NBEA: variants seen among roughly 807,000 people sequenced by gnomAD.
NBEA encodes lysosomal-trafficking regulator 2.
NBEA carries 44 observed loss-of-function variants against 343.4 expected under a neutral mutation model. That is an observed-to-expected ratio of 0.13 (90% CI 0.10 to 0.16). NBEA has a LOEUF of 0.16. Ranked by LOEUF, NBEA falls within the 10% of genes least tolerant of loss-of-function variation. The probability of loss-of-function intolerance (pLI) is 1.00; values close to 1 mark genes in which losing one functional copy is unlikely to be tolerated. For synonymous variants in NBEA, 1,175 were observed against 1,238.7 expected, an observed-to-expected ratio of 0.95 and a Z score of 1.08; for missense variants, 2,555 against 3,631.3, an observed-to-expected ratio of 0.70 and a Z score of 7.62.
intron 35 of NBEA, among the ~76,000 whole-genome samples, chr13:35,291,625 C>G (rs1161351223): frequency 6.6e-6 from 1 of 151,890 alleles, no homozygotes; most frequent in East Asian, 1.9e-4. Context: ...ATGCACAGTT[C>G]TGTAAAATGC....
chr13:35,570,953 T>C (rs2080379255), intron 45 of NBEA, among the ~76,000 whole-genome samples: 1 of 152,088 alleles, frequency 6.6e-6, no homozygotes. Context: ...ATACCGCAAA[T>C]GAAAATTTTA....
intron 41 of NBEA, among the ~76,000 whole-genome samples, chr13:35,539,611 G>T (rs926644273): frequency 6.6e-6 from 1 of 151,852 alleles, no homozygotes; most frequent in Non-Finnish European, 1.5e-5. Context: ...AGCTATAATG[G>T]ATTAAAATTA....
intron 45 of NBEA, among the ~76,000 whole-genome samples, chr13:35,579,974 G>A (rs142996281): frequency 9.2e-5 from 14 of 152,100 alleles, no homozygotes; most frequent in East Asian, 1.9e-4. Flanking sequence ...GTAATTTCCC[G>A]TAGATTTTAT....
intron 1 of NBEA, among the ~76,000 whole-genome samples, chr13:34,948,895 T>G (rs144976658): frequency 0.01 from 1,537 of 152,270 alleles, 9 homozygotes; most frequent in Middle Eastern, 0.027. Flanking sequence ...AAAGAAAATG[T>G]AGCCTTTCCA....
intron 47 of NBEA, among the ~76,000 whole-genome samples, chr13:35,595,342 T>C (rs1370515635): frequency 6.6e-6 from 1 of 151,252 alleles, no homozygotes; most frequent in Admixed American, 6.6e-5. Flanking sequence ...AACATGCAGC[T>C]TTTTTTTTCC....
intron 41 of NBEA, among the ~76,000 whole-genome samples, chr13:35,535,019 C>G (rs2078464801): frequency 6.6e-6 from 1 of 152,132 alleles, no homozygotes; most frequent in African/African-American, 2.4e-5. Context: ...TCCAGAAATG[C>G]AGAAGAAACT....
chr13:34,981,555 A>G (rs1382628885), intron 1 of NBEA, among the ~76,000 whole-genome samples: 1 of 152,136 alleles, frequency 6.6e-6, no homozygotes, highest in Non-Finnish European at 1.5e-5. Context: ...TGTATTTTCC[A>G]TCTTGCGTAT....
chr13:35,306,007 C>T (rs778756563), intron 35 of NBEA, among the ~76,000 whole-genome samples: 17 of 152,160 alleles, frequency 1.1e-4, no homozygotes, highest in Non-Finnish European at 1.9e-4. Context: ...CTTAAAGTTA[C>T]TTTAAATTCG....
intron 36 of NBEA, among the ~76,000 whole-genome samples, chr13:35,345,535 G>T (rs1179746478): frequency 1.5e-4 from 23 of 152,016 alleles, no homozygotes; most frequent in Admixed American, 1.5e-3. Context: ...CTGTGAAAAA[G>T]AAATATAGAT....
At chr13:35,565,624 T>C (rs1388324878) in intron 44 of NBEA, among the ~76,000 whole-genome samples, 1 of 152,198 alleles carries the variant, frequency 6.6e-6, no homozygotes, top group Admixed American at 6.5e-5. Context: ...TAACGCATTT[T>C]TATAAAAAAT....
At chr13:35,667,737 T>A (rs922515039) in intron 57 of NBEA, among the ~76,000 whole-genome samples, 167 bp downstream of exon 57, 14 of 152,218 alleles carry the variant, frequency 9.2e-5, no homozygotes, top group African/African-American at 3.1e-4. Flanking sequence ...AAACCCAAAG[T>A]TCATTTAATT....
chr13:35,332,075 C>G (rs922834659), intron 36 of NBEA, among the ~76,000 whole-genome samples: 1 of 151,980 alleles, frequency 6.6e-6, no homozygotes, highest in African/African-American at 2.4e-5. Context: ...AGTCATTTAT[C>G]CATTTAGCTG....
chr13:35,232,543 T>C lies in NBEA; in HGVS notation c.5700T>C (p.Arg1900=). ...TAGAAAAAGTTGCTCCTCTTCTTCG[T>C]GAAATTTTTGTAGACTTTGCCCCAT... is the stretch of plus-strand genomic sequence containing the variant. ...RALEKVAPLL[R]EIFVDFAPFL... is the part of the protein sequence containing the mutation. The change falls in exon 34 of 59, where the codon CGT becomes CGC. Residue 1900 remains arginine, a synonymous_variant. Transcript: ENST00000379939. 3 of 1,552,278 alleles carry C rather than the reference T, an allele frequency of 1.9e-6. No individual in the cohort carries two copies. Among genetic ancestry groups the C allele is most frequent in the Non-Finnish European group, 2.6e-6 (3 of 1,146,702 alleles).
chr13:34,944,875 G>A (rs1490222531), intron 1 of NBEA, among the ~76,000 whole-genome samples: 1 of 152,114 alleles, frequency 6.6e-6, no homozygotes, highest in Non-Finnish European at 1.5e-5. Context: ...TCACAACCTG[G>A]AAACTGATTT....
chr13:35,606,063 A>AT (rs2082269892), intron 47 of NBEA, among the ~76,000 whole-genome samples: 1 of 152,128 alleles, frequency 6.6e-6, no homozygotes, highest in Non-Finnish European at 1.5e-5. Flanking sequence ...TCAGATGAAG[A>AT]TTTTACACAA....
At chr13:34,981,326 C>T (rs1052042187) in intron 1 of NBEA, among the ~76,000 whole-genome samples, 9 of 152,192 alleles carry the variant, frequency 5.9e-5, no homozygotes, top group Non-Finnish European at 1.3e-4. Flanking sequence ...TAATTTTTGG[C>T]TTTTATGAAT....
intron 38 of NBEA, among the ~76,000 whole-genome samples, chr13:35,387,170 A>T (rs2042280347): frequency 6.6e-6 from 1 of 152,164 alleles, no homozygotes; most frequent in Non-Finnish European, 1.5e-5. Flanking sequence ...CTGTGTGTAT[A>T]ATCATATATA....
chr13:35,056,454 A>G (rs1353157272), intron 7 of NBEA, among the ~76,000 whole-genome samples: 1 of 152,144 alleles, frequency 6.6e-6, no homozygotes, highest in African/African-American at 2.4e-5. Flanking sequence ...AAGACCCTAA[A>G]CAGAAGTATA....
chr13:34,985,281 C>T (rs1424575910), intron 1 of NBEA, among the ~76,000 whole-genome samples: 2 of 150,908 alleles, frequency 1.3e-5, no homozygotes, highest in Non-Finnish European at 1.5e-5. Context: ...GCCTTTTCTA[C>T]GTCTGTTGAG....
Sources: allele counts gnomAD v4.1 joint callset (sites outside exome capture counted in the v4.1 genomes callset), GRCh38; gene constraint gnomAD v4.1.1; transcripts MANE v1.5; gene names NCBI Gene and HGNC (gene_info 2026-07-23, HGNC 2026-07-21).